The following CLVS1 variants were observed in gnomAD, a reference collection of about 807,000 sequenced individuals.
The protein encoded by CLVS1 is clavesin 1.
CLVS1 carries 10 observed loss-of-function variants against 33.1 expected under a neutral mutation model. That is an observed-to-expected ratio of 0.30 (90% CI 0.19 to 0.51). CLVS1 has a LOEUF of 0.51. Ranked by LOEUF, CLVS1 falls within the 20% of genes least tolerant of loss-of-function variation. The probability of loss-of-function intolerance (pLI) is 0.97; values close to 1 mark genes in which losing one functional copy is unlikely to be tolerated. For missense variants in CLVS1, 343 were observed against 433.4 expected (o/e 0.79, Z 1.85); for synonymous variants, 163 against 166.1 (o/e 0.98, Z 0.14).
chr8:61,370,891 C>A (rs1047951519), intron 2 of CLVS1, among the ~76,000 whole-genome samples: 2 of 152,108 alleles, frequency 1.3e-5, no homozygotes, highest in African/African-American at 4.8e-5. Flanking sequence ...TCTTTATTTA[C>A]TCGTTGATTG....
chr8:60,976,955 G>A, the CLVS1 span, among the ~76,000 whole-genome samples: 1 of 152,220 alleles, frequency 6.6e-6, no homozygotes, highest in South Asian at 2.1e-4. Context: ...GGCTAAAGCA[G>A]CTCCCGAGGG....
the CLVS1 span, among the ~76,000 whole-genome samples, chr8:61,024,648 C>T: frequency 2.0e-5 from 3 of 152,210 alleles, no homozygotes; most frequent in African/African-American, 7.2e-5. Flanking sequence ...AACATAGCAA[C>T]AGATGGTGTT....
chr8:61,142,653 C>T (rs553605079), intron 2 of CLVS1, among the ~76,000 whole-genome samples: 2 of 152,300 alleles, frequency 1.3e-5, no homozygotes, highest in South Asian at 4.1e-4. Context: ...TACATTGAGT[C>T]CTGGCCTTCT....
the CLVS1 span, among the ~76,000 whole-genome samples, chr8:61,013,453 T>C: frequency 6.6e-6 from 1 of 152,136 alleles, no homozygotes; most frequent in African/African-American, 2.4e-5. Context: ...AGTCTCTGCA[T>C]CTCTCCCCTC....
At chr8:61,257,031 A>G (rs548894420) in intron 2 of CLVS1, among the ~76,000 whole-genome samples, 29 of 152,366 alleles carry the variant, frequency 1.9e-4, no homozygotes, top group African/African-American at 6.7e-4. Flanking sequence ...CCTAATGTTC[A>G]ACATTATTTT....
intron 1 of CLVS1, among the ~76,000 whole-genome samples, chr8:61,294,234 A>G (rs376250529): frequency 1.4e-4 from 21 of 152,106 alleles, no homozygotes; most frequent in African/African-American, 4.8e-4. Flanking sequence ...CTTGGACAAA[A>G]CGTGGGTAAA....
rs377252629 is a variant in CLVS1, at chr8:61,475,051, G to T, written c.977+16509G>T. On this transcript the variant is annotated intron_variant, in intron 5 of 5. Coordinates refer to ENST00000325897, the MANE Select transcript of CLVS1 (RefSeq NM_173519.3). The stretch of plus-strand genomic sequence containing the variant: ...TATGAGTGAGAACATGCAGGGTTTG[G>T]TTTTTTGTCCTTGTGATACTTTGCT... Among the ~76,000 whole-genome samples, 129 of 152,200 alleles carry T rather than the reference G, an allele frequency of 8.5e-4. No individual in the cohort carries two copies. In the Middle Eastern group the frequency reaches 0.01, roughly 12 times the overall value.
chr8:61,255,679 A>G (rs1809063571), intron 2 of CLVS1, among the ~76,000 whole-genome samples: 1 of 152,202 alleles, frequency 6.6e-6, no homozygotes, highest in African/African-American at 2.4e-5. Context: ...AAGCAACACA[A>G]TAGAGGAGGA....
intron 2 of CLVS1, among the ~76,000 whole-genome samples, chr8:61,369,441 C>T (rs932584017): frequency 2.6e-5 from 4 of 152,146 alleles, no homozygotes; most frequent in Non-Finnish European, 4.4e-5. Flanking sequence ...GAGAGTGTCT[C>T]ACGTGAATTC....
chr8:61,484,211 A>G (rs1018104191), intron 5 of CLVS1, among the ~76,000 whole-genome samples: 6 of 152,204 alleles, frequency 3.9e-5, no homozygotes, highest in African/African-American at 1.4e-4. Context: ...CTCAGCCCTA[A>G]ATCTCCTTAA....
At chr8:61,329,557 G>A (rs1019711306) in intron 2 of CLVS1, among the ~76,000 whole-genome samples, 5 of 152,156 alleles carry the variant, frequency 3.3e-5, no homozygotes, top group Admixed American at 6.5e-5. Flanking sequence ...GATTTAAGGT[G>A]ATGGATGCCC....
At chr8:61,056,266 GT>G (rs1390744448), upstream of CLVS1, among the ~76,000 whole-genome samples, 1 of 152,154 alleles carries the variant, frequency 6.6e-6, no homozygotes, top group African/African-American at 2.4e-5. Context: ...ACTAATTGGG[GT>G]AGGTCCCAAA....
chr8:61,224,465 C>T (rs1808286722), intron 2 of CLVS1, among the ~76,000 whole-genome samples: 1 of 152,182 alleles, frequency 6.6e-6, no homozygotes, highest in Non-Finnish European at 1.5e-5. Context: ...GGGTTCACTT[C>T]AGGCCCTATT....
chr8:61,354,512 CAAA>C (rs1408604339), intron 2 of CLVS1, among the ~76,000 whole-genome samples: 1 of 151,940 alleles, frequency 6.6e-6, no homozygotes, highest in Admixed American at 6.6e-5. Context: ...CCTATATTCA[CAAA>C]AAAGCCTATA....
chr8:61,361,465 G>A (rs1812976679), intron 2 of CLVS1, among the ~76,000 whole-genome samples: 1 of 152,086 alleles, frequency 6.6e-6, no homozygotes, highest in Non-Finnish European at 1.5e-5. Flanking sequence ...TACCTCAAAG[G>A]ACATTCTCCA....
chr8:61,275,054 A>C (rs1809535388), intron 2 of CLVS1, among the ~76,000 whole-genome samples: 1 of 152,212 alleles, frequency 6.6e-6, no homozygotes, highest in Non-Finnish European at 1.5e-5. Context: ...TCAAGCCAAA[A>C]ATTAAAAAAA....
chr8:61,360,172 C>G (rs1430738909), intron 2 of CLVS1, among the ~76,000 whole-genome samples: 1 of 152,174 alleles, frequency 6.6e-6, no homozygotes, highest in East Asian at 1.9e-4. Context: ...TAGAAGAACA[C>G]ACCTTTCCCA....
intron 3 of CLVS1, among the ~76,000 whole-genome samples, chr8:61,443,836 A>C (rs1403022596): frequency 6.6e-6 from 1 of 152,178 alleles, no homozygotes; most frequent in Non-Finnish European, 1.5e-5. Context: ...TTTGAGGGGA[A>C]TTAACATATA....
chr8:61,136,224 G>A (rs1254609114), intron 2 of CLVS1, among the ~76,000 whole-genome samples: 9 of 152,198 alleles, frequency 5.9e-5, no homozygotes, highest in Admixed American at 1.3e-4. Flanking sequence ...TTGGATGCAC[G>A]TGGAATTCAG....
Sources: gnomAD v4.1 joint callset for allele counts (sites outside exome capture counted in the v4.1 genomes callset) on GRCh38, gnomAD v4.1.1 for gene constraint, MANE v1.5 for transcripts, NCBI Gene and HGNC (gene_info 2026-07-23, HGNC 2026-07-21) for gene names.